The following WWC2 variants were observed in gnomAD, a reference collection of about 807,000 sequenced individuals.
WWC2 encodes protein WWC2.
A neutral mutation model predicts 138.5 loss-of-function variants in WWC2; 101 were observed. That is an observed-to-expected ratio of 0.73 (90% confidence interval 0.62 to 0.86). The LOEUF (loss-of-function observed/expected upper bound fraction) is 0.86. Ranked by LOEUF, WWC2 falls within the 40% of genes least tolerant of loss-of-function variation. The pLI is 0.00. For synonymous variants in WWC2, 558 were observed against 538.4 expected (o/e 1.04, Z -0.50); for missense variants, 1,420 against 1,419.4 (o/e 1.00, Z -0.01).
chr4:183,248,697 T>A lies in WWC2; in HGVS notation c.733-17T>A. On this transcript the variant is annotated splice_polypyrimidine_tract_variant and intron_variant, in intron 6 of 22. Transcript: ENST00000403733. ...TACTTGTTAAGCTTTATGAAACACT[T>A]TGTGTTTTCTGAACAGAGTCTTGCT... 6.4e-7 allele frequency: 1 copy of A among 1,569,622 alleles called. No individual in the cohort carries two copies. The highest frequency in any genetic ancestry group is 8.7e-7 in the Non-Finnish European group (1 of 1,151,658).
chr4:183,192,110 C>T (rs777112505), intron 1 of WWC2, among the ~76,000 whole-genome samples: 5 of 152,234 alleles, frequency 3.3e-5, no homozygotes, highest in Non-Finnish European at 7.3e-5. Flanking sequence ...CTATGCTGTG[C>T]TGCCTGACTT....
chr4:183,192,396 T>C (rs1560835561), intron 1 of WWC2, among the ~76,000 whole-genome samples: 1 of 152,204 alleles, frequency 6.6e-6, no homozygotes, highest in Admixed American at 6.5e-5. Flanking sequence ...TTCTGTCTGC[T>C]GAGCTGGTTT....
At chr4:183,220,145 C>T (rs1735880613) in intron 4 of WWC2, among the ~76,000 whole-genome samples, 1 of 152,176 alleles carries the variant, frequency 6.6e-6, no homozygotes, top group African/African-American at 2.4e-5. Context: ...CCTAGAGCCA[C>T]AAGGAACTGA....
At position 183,315,993 on chromosome 4, in the gene WWC2, T is replaced by C. The variant is rs577554471; in HGVS notation, c.*264T>C. 8.9e-6 allele frequency: 3 copies of C among 335,726 alleles called. No homozygotes were observed. Among genetic ancestry groups the C allele is most frequent in the South Asian group, 6.7e-5 (2 of 29,920 alleles). The allele number at this position is 335,726 out of a possible 1,614,324, so 20.8% of individuals were successfully genotyped here. The stretch of plus-strand genomic sequence containing the variant: ...ACAAATGTTGCCCAGTATGTGCGCA[T>C]TGCCAGTGGACTTCATTTTGTAAAA... On this transcript the variant is annotated 3_prime_UTR_variant, in exon 23 of 23. Transcript: ENST00000403733.
chr4:183,130,898 G>A (rs372845339), intron 1 of WWC2, among the ~76,000 whole-genome samples: 34 of 152,282 alleles, frequency 2.2e-4, no homozygotes, highest in African/African-American at 7.5e-4. Context: ...AATCTCATCC[G>A]AAAAGTACTT....
chr4:183,131,134 T>C (rs1016675779), intron 1 of WWC2, among the ~76,000 whole-genome samples: 8 of 152,170 alleles, frequency 5.3e-5, no homozygotes, highest in African/African-American at 1.2e-4. Flanking sequence ...AAAGTTACTC[T>C]TTTTAACAAA....
chr4:183,278,928 G>A lies in WWC2; in HGVS notation c.2563-1848G>A, dbSNP rs1737964279. 2.6e-5 allele frequency among the ~76,000 whole-genome samples: 4 copies of A among 151,016 alleles called. No homozygotes were observed. In the South Asian group the frequency reaches 8.5e-4, roughly 32 times the overall value. ...ATACAATCATGTCGTCTGCAAACAG[G>A]GACAATTTGACTTCCTCTTTTCCTA... On this transcript the variant is annotated intron_variant, in intron 16 of 22. Coordinates refer to ENST00000403733, the MANE Select transcript of WWC2 (RefSeq NM_024949.6).
In WWC2 at chr4:183,265,199, C is replaced by T. The variant is rs1236964664; in HGVS notation, c.2039+92C>T. On this transcript the variant is annotated intron_variant, in intron 12 of 22. Transcript: ENST00000403733. ...CTGTAAATGGACTGCTACCATTAGT[C>T]CGCTCTTTGGCTTAGTAAGGACTTT... is the stretch of plus-strand genomic sequence containing the variant. 7.6e-6 allele frequency: 11 copies of T among 1,453,086 alleles called. No homozygotes were observed. In the African/African-American group the frequency reaches 1.4e-4, roughly 19 times the overall value. 90.0% of individuals were successfully genotyped at this position (1,453,086 alleles called of 1,614,324 possible).
At chr4:183,203,216 T>C (rs1321889840) in intron 2 of WWC2, among the ~76,000 whole-genome samples, 1 of 151,744 alleles carries the variant, frequency 6.6e-6, no homozygotes, top group Non-Finnish European at 1.5e-5. Context: ...GACCTGAGTC[T>C]CAGTATTCTC....
chr4:183,220,904 A>G (rs1477704544), intron 4 of WWC2, among the ~76,000 whole-genome samples: 1 of 152,122 alleles, frequency 6.6e-6, no homozygotes, highest in African/African-American at 2.4e-5. Flanking sequence ...ATTAGAAAAA[A>G]TTTAGTTAAC....
At chr4:183,184,004 T>C (rs1734720284) in intron 1 of WWC2, among the ~76,000 whole-genome samples, 1 of 152,228 alleles carries the variant, frequency 6.6e-6, no homozygotes, top group Non-Finnish European at 1.5e-5. Flanking sequence ...GAAATTCACC[T>C]AATGTAAATT....
Position 183,286,003 on chromosome 4 carries a change from A to G in WWC2, c.3085A>G (p.Lys1029Glu). Reference protein sequence around the residue: ...RSDSDSSTLAKKSLFVRNSTE... With the variant: ...RSDSDSSTLAEKSLFVRNSTE... ...TGACAGTGACAGTTCAACCCTGGCT[A>G]AAAAATCACTGTTTGTGAGAAACTC... Residue 1029 changes from lysine to glutamate, a missense_variant, in exon 20 of 23, where the codon AAA becomes GAA. Physicochemically the swap from Lys to Glu is moderately conservative, Grantham distance 56 (BLOSUM62 1). Transcript: ENST00000403733. The G allele has an allele frequency of 6.3e-7, 1 of 1,595,904 alleles. No individual in the cohort carries two copies. Among genetic ancestry groups the G allele is most frequent in the East Asian group, 2.3e-5 (1 of 44,398 alleles).
At chr4:183,253,212 C>T (rs1737030752) in intron 8 of WWC2, among the ~76,000 whole-genome samples, 1 of 152,142 alleles carries the variant, frequency 6.6e-6, no homozygotes, top group South Asian at 2.1e-4. Context: ...CACACCACTG[C>T]TCTCTTTGCT....
At chr4:183,286,223 A>G (rs1016374112) in intron 20 of WWC2, among the ~76,000 whole-genome samples, 164 bp downstream of exon 20, 1 of 152,168 alleles carries the variant, frequency 6.6e-6, no homozygotes, top group African/African-American at 2.4e-5. Context: ...CATGGCCACT[A>G]TGGAGATGGG....
At chr4:183,120,663 AT>A (rs1732569376) in intron 1 of WWC2, among the ~76,000 whole-genome samples, 1 of 152,166 alleles carries the variant, frequency 6.6e-6, no homozygotes, top group Middle Eastern at 3.2e-3. Context: ...TATTCCCTAA[AT>A]TTCTGTTAAT....
intron 4 of WWC2, among the ~76,000 whole-genome samples, chr4:183,228,861 T>C (rs1266588349): frequency 6.6e-6 from 1 of 152,034 alleles, no homozygotes; most frequent in Non-Finnish European, 1.5e-5. Flanking sequence ...ATGAATGCAT[T>C]GTGTATGGTC....
At chr4:183,266,009 T>C in intron 14 of WWC2, 58 bp downstream of exon 14, 1 of 1,445,640 alleles carries the variant, frequency 6.9e-7, no homozygotes, top group Non-Finnish European at 9.5e-7. Flanking sequence ...TGTAAGAGAA[T>C]TTTACACTGT....
At chr4:183,229,757 G>A (rs368416886) in intron 4 of WWC2, among the ~76,000 whole-genome samples, 36 of 152,196 alleles carry the variant, frequency 2.4e-4, no homozygotes, top group African/African-American at 6.5e-4. Flanking sequence ...ACAAGAAAGT[G>A]AGGAACTGTC....
intron 1 of WWC2, among the ~76,000 whole-genome samples, chr4:183,146,263 A>G (rs1733457375): frequency 6.6e-6 from 1 of 152,184 alleles, no homozygotes; most frequent in Admixed American, 6.5e-5. Context: ...AGATTGGACC[A>G]TGATTTCATT....
Sources: gnomAD v4.1 joint callset for allele counts (sites outside exome capture counted in the v4.1 genomes callset) on GRCh38, gnomAD v4.1.1 for gene constraint, MANE v1.5 for transcripts, NCBI Gene and HGNC (gene_info 2026-07-23, HGNC 2026-07-21) for gene names.